COL25A1: variants seen among roughly 807,000 people sequenced by gnomAD.
COL25A1 encodes the protein collagen type XXV alpha 1 chain.
In COL25A1, 103 loss-of-function variants were observed where a neutral mutation model predicts 128.4. That is an observed-to-expected ratio of 0.80 (90% CI 0.68 to 0.94). COL25A1 has a LOEUF of 0.94. Ranked by LOEUF, COL25A1 falls within the 40% of genes least tolerant of loss-of-function variation. COL25A1 has a pLI of 0.00. For synonymous variants in COL25A1, 279 were observed against 277.2 expected (o/e 1.01, Z -0.06); for missense variants, 745 against 840.0 (o/e 0.89, Z 1.40).
chr4:109,157,459 C>T (rs1772145165), intron 3 of COL25A1, among the ~76,000 whole-genome samples: 1 of 152,086 alleles, frequency 6.6e-6, no homozygotes, highest in African/African-American at 2.4e-5. Context: ...TTAGGTACTT[C>T]CTGTGGGGTT....
intron 3 of COL25A1, among the ~76,000 whole-genome samples, chr4:109,238,432 T>C (rs1779612659): frequency 6.6e-6 from 1 of 151,926 alleles, no homozygotes; most frequent in South Asian, 2.1e-4. Flanking sequence ...ATCTCAAAGT[T>C]TTATTATCTC....
intron 8 of COL25A1, among the ~76,000 whole-genome samples, chr4:108,946,456 T>C (rs1336146620): frequency 1.3e-5 from 2 of 152,246 alleles, no homozygotes; most frequent in Non-Finnish European, 2.9e-5. Context: ...ACGCAATTTA[T>C]GTGTTTATAA....
intron 30 of COL25A1, among the ~76,000 whole-genome samples, chr4:108,842,705 A>G (rs1329266206): frequency 3.3e-5 from 5 of 152,230 alleles, no homozygotes; most frequent in Admixed American, 3.3e-4. Flanking sequence ...TAATGGCTTA[A>G]AATTCCTCTA....
At chr4:109,001,539 A>G (rs557503552) in intron 6 of COL25A1, among the ~76,000 whole-genome samples, 2 of 142,866 alleles carry the variant, frequency 1.4e-5, no homozygotes, top group Admixed American at 7.2e-5. Context: ...ACTGGGATGA[A>G]GAGTATAAGG....
intron 3 of COL25A1, among the ~76,000 whole-genome samples, chr4:109,071,078 G>A (rs999988176): frequency 7.2e-5 from 11 of 152,044 alleles, no homozygotes; most frequent in African/African-American, 2.2e-4. Flanking sequence ...AAAACAACAT[G>A]GTACTGGTAC....
At chr4:108,879,732 C>T in intron 19 of COL25A1, among the ~76,000 whole-genome samples, 1 of 151,804 alleles carries the variant, frequency 6.6e-6, no homozygotes, top group East Asian at 1.9e-4. Flanking sequence ...CAGGCGTGAG[C>T]CACCGTGCCC....
chr4:108,831,705 AGAG>A (rs1460808583), intron 32 of COL25A1, among the ~76,000 whole-genome samples: 3 of 151,900 alleles, frequency 2.0e-5, no homozygotes, highest in African/African-American at 7.3e-5. Context: ...AGAGAGAGAG[AGAG>A]AGAGAGAGCG....
intron 3 of COL25A1, among the ~76,000 whole-genome samples, chr4:109,268,341 T>C (rs1018146130): frequency 3.3e-5 from 5 of 152,190 alleles, no homozygotes; most frequent in Non-Finnish European, 7.3e-5. Context: ...CATTTGATGC[T>C]GTAAATTCCT....
At chr4:109,137,477 G>A (rs571492545) in intron 3 of COL25A1, among the ~76,000 whole-genome samples, 36 of 152,166 alleles carry the variant, frequency 2.4e-4, no homozygotes, top group African/African-American at 8.4e-4. Flanking sequence ...GAGATCCACT[G>A]GACCACTGCC....
chr4:109,216,251 A>G (rs1218679591), intron 3 of COL25A1, among the ~76,000 whole-genome samples: 2 of 146,002 alleles, frequency 1.4e-5, no homozygotes, highest in African/African-American at 5.3e-5. Context: ...ATGGATGGAT[A>G]GGAAGGAAGG....
chr4:108,932,857 G>C (rs969435757), intron 11 of COL25A1, among the ~76,000 whole-genome samples: 3 of 152,156 alleles, frequency 2.0e-5, no homozygotes, highest in African/African-American at 7.2e-5. Flanking sequence ...TTCAGAACTT[G>C]ATCACTTCCA....
At position 109,296,249 on chromosome 4, in the gene COL25A1, C is replaced by T. The variant is rs146828093; in HGVS notation, c.367+4334G>A. Reference sequence around the variant, plus strand: ...CCATTGCTAGAGTTTTTATTTTCATCGGAAACCAGATTTTCTCTATTGTGA... The same window carrying T: ...CCATTGCTAGAGTTTTTATTTTCATTGGAAACCAGATTTTCTCTATTGTGA... On this transcript the variant is annotated intron_variant, in intron 3 of 37. Coordinates refer to ENST00000399132, the MANE Select transcript of COL25A1 (RefSeq NM_198721.4). Among the ~76,000 whole-genome samples the T allele has an allele frequency of 8.8e-3, 1,342 of 152,006 alleles. 9 individuals carry two copies. The highest frequency in any genetic ancestry group is 0.019 in the South Asian group (90 of 4,814).
At chr4:108,863,714 A>G (rs1157311462) in intron 20 of COL25A1, among the ~76,000 whole-genome samples, 2 of 152,120 alleles carry the variant, frequency 1.3e-5, no homozygotes, top group African/African-American at 2.4e-5. Flanking sequence ...TCTACTTTCA[A>G]CGTGAGGGGG....
chr4:108,836,727 C>T lies in COL25A1; in HGVS notation c.1657-4294G>A, dbSNP rs148303864. ...TCTACCTAGAATGCTGAAATAATGA[C>T]TCACATATATTATAGAGGTTTTATG... On this transcript the variant is annotated intron_variant, in intron 31 of 37. Coordinates refer to ENST00000399132, the MANE Select transcript of COL25A1 (RefSeq NM_198721.4). 2.7e-3 allele frequency among the ~76,000 whole-genome samples: 414 copies of T among 152,184 alleles called. 3 individuals carry two copies. The highest frequency in any genetic ancestry group is 9.2e-3 in the African/African-American group (380 of 41,504).
chr4:108,865,506 C>T (rs1386481742), intron 20 of COL25A1, among the ~76,000 whole-genome samples: 1 of 152,144 alleles, frequency 6.6e-6, no homozygotes, highest in Non-Finnish European at 1.5e-5. Flanking sequence ...GAGATAGACA[C>T]AATGGCCCAG....
chr4:109,194,636 T>C (rs1285389393), intron 3 of COL25A1, among the ~76,000 whole-genome samples: 2 of 152,110 alleles, frequency 1.3e-5, no homozygotes, highest in Non-Finnish European at 2.9e-5. Flanking sequence ...GCTTCTTTGA[T>C]TCCATCAGTC....
At chr4:109,249,862 TAATC>T (rs1780531573) in intron 3 of COL25A1, among the ~76,000 whole-genome samples, 1 of 152,206 alleles carries the variant, frequency 6.6e-6, no homozygotes, top group Non-Finnish European at 1.5e-5. Context: ...TACTTATAAA[TAATC>T]TATATTATTA....
At chr4:108,845,811 T>G (rs1314094451) in intron 28 of COL25A1, among the ~76,000 whole-genome samples, 2 of 152,174 alleles carry the variant, frequency 1.3e-5, no homozygotes, top group African/African-American at 4.8e-5. Context: ...GCTCATTTCT[T>G]TATTATGGTT....
At chr4:108,851,053 C>CTTAG (rs1735716050) in intron 26 of COL25A1, among the ~76,000 whole-genome samples, 2 of 151,934 alleles carry the variant, frequency 1.3e-5, no homozygotes, top group African/African-American at 4.8e-5. Context: ...AAATAATGAA[C>CTTAG]TTAGACACTT....
Sources: allele counts gnomAD v4.1 joint callset (sites outside exome capture counted in the v4.1 genomes callset), GRCh38; gene constraint gnomAD v4.1.1; transcripts MANE v1.5; gene names NCBI Gene and HGNC (gene_info 2026-07-23, HGNC 2026-07-21).